FHIT: variants seen among roughly 807,000 people sequenced by gnomAD.
The protein encoded by FHIT is bis(5'-adenosyl)-triphosphatase.
In FHIT, 19 loss-of-function variants were observed where a neutral mutation model predicts 17.9. The observed-to-expected ratio is 1.06, with a 90% CI of 0.74 to 1.56. FHIT has a LOEUF of 1.56. Among genes scored for constraint, FHIT ranks in the 40% most tolerant of loss-of-function variants. FHIT has a pLI of 0.00. For synonymous variants in FHIT, 81 were observed against 69.7 expected (o/e 1.16, Z -0.81); for missense variants, 248 against 189.2 (o/e 1.31, Z -1.82).
At chr3:60,161,978 G>T (rs1039465332) in intron 5 of FHIT, among the ~76,000 whole-genome samples, 19 of 152,268 alleles carry the variant, frequency 1.2e-4, no homozygotes, top group African/African-American at 4.3e-4. Flanking sequence ...GCAAGAAGAA[G>T]GTAAACCGGA....
At chr3:60,197,736 C>G (rs1189102806) in intron 5 of FHIT, among the ~76,000 whole-genome samples, 1 of 152,130 alleles carries the variant, frequency 6.6e-6, no homozygotes, top group African/African-American at 2.4e-5. Context: ...GACTGGAAAT[C>G]TGAAAAACCT....
At chr3:60,598,699 T>C (rs564884155) in intron 4 of FHIT, among the ~76,000 whole-genome samples, 47 of 152,174 alleles carry the variant, frequency 3.1e-4, no homozygotes, top group Non-Finnish European at 5.7e-4. Context: ...GAAACTTCTA[T>C]AGTATGAAAT....
At chr3:60,068,692 C>A (rs1021275372) in intron 5 of FHIT, among the ~76,000 whole-genome samples, 10 of 152,188 alleles carry the variant, frequency 6.6e-5, no homozygotes, top group African/African-American at 2.4e-4. Context: ...ATCTAAATTT[C>A]ACAATTAAAG....
chr3:60,405,210 T>A (rs1322152372), intron 5 of FHIT, among the ~76,000 whole-genome samples: 2 of 152,152 alleles, frequency 1.3e-5, no homozygotes, highest in Non-Finnish European at 2.9e-5. Flanking sequence ...TTGGCACACT[T>A]TCCTCTGACT....
chr3:60,690,724 G>C, intron 4 of FHIT: 1 of 412,376 alleles, frequency 2.4e-6, no homozygotes, highest in South Asian at 2.0e-5. Flanking sequence ...GACCATAGCT[G>C]GTAATACGGG....
intron 5 of FHIT, among the ~76,000 whole-genome samples, chr3:60,035,420 TAGAGA>T: frequency 6.6e-6 from 1 of 152,302 alleles, no homozygotes; most frequent in East Asian, 1.9e-4. Context: ...GTATTTTTAG[TAGAGA>T]AGAGGTTTCA....
chr3:60,390,715 C>G (rs529782604), intron 5 of FHIT, among the ~76,000 whole-genome samples: 22 of 149,078 alleles, frequency 1.5e-4, no homozygotes, highest in Non-Finnish European at 3.3e-4. Flanking sequence ...TAGTCTATAA[C>G]AAAAAACTTT....
intron 5 of FHIT, among the ~76,000 whole-genome samples, chr3:60,413,545 G>A (rs1008137556): frequency 1.3e-5 from 2 of 152,156 alleles, no homozygotes; most frequent in African/African-American, 4.8e-5. Context: ...ATAAGTGCAT[G>A]TTAGGTAAAT....
intron 5 of FHIT, among the ~76,000 whole-genome samples, chr3:60,066,866 G>T (rs371864969): frequency 2.0e-5 from 3 of 151,444 alleles, no homozygotes; most frequent in African/African-American, 7.3e-5. Flanking sequence ...CCGTGGTCTC[G>T]ATCTCCTGAC....
intron 5 of FHIT, among the ~76,000 whole-genome samples, chr3:60,375,993 TA>T (rs1700543580): frequency 6.6e-6 from 1 of 152,202 alleles, no homozygotes; most frequent in African/African-American, 2.4e-5. Flanking sequence ...AAATTTAAAT[TA>T]AATTTAAATA....
intron 3 of FHIT, among the ~76,000 whole-genome samples, chr3:61,038,053 T>G (rs2033340497): frequency 1.3e-5 from 2 of 152,202 alleles, no homozygotes; most frequent in African/African-American, 4.8e-5. Context: ...GAAATCATGA[T>G]TTTTGCAATT....
At chr3:60,343,431 T>C (rs1710624014) in intron 5 of FHIT, among the ~76,000 whole-genome samples, 1 of 152,192 alleles carries the variant, frequency 6.6e-6, no homozygotes, top group South Asian at 2.1e-4. Flanking sequence ...GTATAGCTCA[T>C]ATCTATTCAC....
chr3:60,566,780 T>C (rs1392560952), intron 4 of FHIT, among the ~76,000 whole-genome samples: 6 of 151,670 alleles, frequency 4.0e-5, no homozygotes, highest in Non-Finnish European at 8.8e-5. Context: ...ACAAAATCAA[T>C]GTGCAAAAAT....
At chr3:60,158,555 G>T (rs932676906) in intron 5 of FHIT, among the ~76,000 whole-genome samples, 3 of 151,906 alleles carry the variant, frequency 2.0e-5, no homozygotes, top group Non-Finnish European at 4.4e-5. Context: ...CAGATGATCC[G>T]CCCGCCTCTG....
chr3:60,011,649 G>A (rs1700145083), intron 6 of FHIT, among the ~76,000 whole-genome samples: 1 of 152,168 alleles, frequency 6.6e-6, no homozygotes. Context: ...TACTTTTCAT[G>A]CTCTTTGCTC....
intron 5 of FHIT, among the ~76,000 whole-genome samples, chr3:60,096,803 T>G (rs558621055): frequency 6.6e-6 from 1 of 151,902 alleles, no homozygotes. Context: ...ACAGAGGAAA[T>G]GGTTTTAGGA....
intron 5 of FHIT, among the ~76,000 whole-genome samples, chr3:60,048,618 G>C (rs1387327850): frequency 2.6e-5 from 4 of 152,184 alleles, no homozygotes; most frequent in Non-Finnish European, 4.4e-5. Context: ...AAACGCAACG[G>C]TGGGTGAATT....
chr3:60,106,794 T>C (rs1383901678), intron 5 of FHIT, among the ~76,000 whole-genome samples: 1 of 152,184 alleles, frequency 6.6e-6, no homozygotes, highest in Admixed American at 6.5e-5. Flanking sequence ...ACGTCCAGTA[T>C]CTGGGCTCTG....
chr3:60,293,286 G>A (rs1426632129), intron 5 of FHIT, among the ~76,000 whole-genome samples: 1 of 152,068 alleles, frequency 6.6e-6, no homozygotes. Context: ...TGTGCCCATA[G>A]TAATAGATTA....
Sources: allele counts gnomAD v4.1 joint callset (sites outside exome capture counted in the v4.1 genomes callset), GRCh38; gene constraint gnomAD v4.1.1; transcripts MANE v1.5; gene names NCBI Gene and HGNC (gene_info 2026-07-23, HGNC 2026-07-21).